The following AUP1 variants were observed in gnomAD, a reference collection of about 807,000 sequenced individuals.
AUP1 encodes lipid droplet-regulating VLDL assembly factor AUP1.
AUP1 carries 30 observed loss-of-function variants against 51.8 expected under a neutral mutation model. That is an observed-to-expected ratio of 0.58 (90% CI 0.43 to 0.79). The LOEUF is 0.79. Ranked by LOEUF, AUP1 falls within the 30% of genes least tolerant of loss-of-function variation. The pLI is 0.00. For synonymous variants in AUP1, 227 were observed against 209.0 expected (o/e 1.09, Z -0.74); for missense variants, 492 against 517.1 (o/e 0.95, Z 0.47).
At position 74,529,639 on chromosome 2, in the gene AUP1, T is replaced by G. The variant is rs1675423568; in HGVS notation, c.-10A>C. On this transcript the variant is annotated 5_prime_UTR_variant, in exon 1 of 12. Coordinates refer to ENST00000377526, the MANE Select transcript of AUP1 (RefSeq NM_181575.5). ...CTGAGGGAAGCTCCATAACTGCTGC[T>G]TCAGGAGCGCCCGGCCGTCGCCGCC... is the stretch of plus-strand genomic sequence containing the variant. 6.4e-7 allele frequency: 1 copy of G among 1,558,598 alleles called. No homozygotes were observed. Among genetic ancestry groups the G allele is most frequent in the Non-Finnish European group, 8.7e-7 (1 of 1,153,494 alleles).
Position 74,529,423 on chromosome 2 carries a change from G to C in AUP1, c.127C>G (p.Leu43Val). The change falls in exon 2 of 12, where the codon CTC becomes GTC. Residue 43 changes from leucine (L) to valine (V), a missense_variant. By Grantham distance (32) the Leu-to-Val change is conservative. Coordinates refer to ENST00000377526, the MANE Select transcript of AUP1 (RefSeq NM_181575.5). ...AGGAAGACGTGGATCCCGAGAAAGA[G>C]GCGCAGGACGAGGAGGCAGAACCCG... Reference protein sequence around the residue: ...PVGFCLLVLRLFLGIHVFLVS... With the variant: ...PVGFCLLVLRVFLGIHVFLVS... The C allele has an allele frequency of 6.3e-7, 1 of 1,586,864 alleles. No individual in the cohort carries two copies. The highest frequency in any genetic ancestry group is 1.1e-5 in the South Asian group (1 of 88,146).
At position 74,529,165 on chromosome 2, in the gene AUP1, GT is replaced by G. The variant is rs775457709; in HGVS notation, c.305del (p.His102ProfsTer3). The G allele has an allele frequency of 1.2e-6, 2 of 1,614,212 alleles. No individual in the cohort carries two copies. Among genetic ancestry groups the G allele is most frequent in the Admixed American group, 1.7e-5 (1 of 60,030 alleles). On this transcript the variant is annotated frameshift_variant, in exon 3 of 12. Transcript: ENST00000377526. LOFTEE classifies it high-confidence loss of function. ...LISNHVTPFD[H>X]NIVNLLTTCS... ...AGGTGGTAAGCAAATTGACTATGTT[GT>G]GGTCGAAAGGTGTCACATGGTTGGA...
rs1675296835 is a variant in AUP1 at position 74,528,285 on chromosome 2, A to G, written c.634T>C (p.Trp212Arg). The change falls in exon 6 of 12, where the codon TGG becomes CGG. Residue 212 changes from tryptophan to arginine, a missense_variant. By Grantham distance (101) the Trp-to-Arg change is moderately radical. Coordinates refer to ENST00000377526, the MANE Select transcript of AUP1 (RefSeq NM_181575.5). ...ACCGTGAAAGGGACGAAAAGTGACCACAGCAGTTCTGAGACCCAGGAGGCA... is the reference window on the plus strand; with the variant it reads ...ACCGTGAAAGGGACGAAAAGTGACCGCAGCAGTTCTGAGACCCAGGAGGCA... Reference protein sequence around the residue: ...SDASWVSELLWSLFVPFTVYQ... With the variant: ...SDASWVSELLRSLFVPFTVYQ... 10 of 1,614,194 alleles carry G rather than the reference A, an allele frequency of 6.2e-6. No homozygotes were observed. The highest frequency in any genetic ancestry group is 8.5e-6 in the Non-Finnish European group (10 of 1,180,040).
chr2:74,527,360 T>C lies in AUP1; in HGVS notation c.965A>G (p.Lys322Arg). 6.2e-7 allele frequency: 1 copy of C among 1,614,028 alleles called. No individual in the cohort carries two copies. The highest frequency in any genetic ancestry group is 1.7e-5 in the Admixed American group (1 of 60,014). The change falls in exon 10 of 12, where the codon AAG becomes AGG. Residue 322 changes from lysine to arginine, a missense_variant. Lys to Arg is a conservative substitution (Grantham distance 26). Coordinates refer to ENST00000377526, the MANE Select transcript of AUP1 (RefSeq NM_181575.5). ...PLGVIQRDLAKTGCVDLTITN... is the reference protein window; with the variant it reads ...PLGVIQRDLARTGCVDLTITN... The stretch of plus-strand genomic sequence containing the variant: ...GATAGTCAAGTCTACACAGCCAGTC[T>C]TGGCTGGGGAGAAAAGAGAAGGGAG...
intron 3 of AUP1, 42 bp from the exon 4 acceptor site, chr2:74,528,977 G>C: frequency 6.3e-7 from 1 of 1,587,200 alleles, no homozygotes; most frequent in Non-Finnish European, 8.5e-7. Flanking sequence ...AAAATATTGA[G>C]GAAAATGAAA....
rs1312685129 is a variant in AUP1, at chr2:74,527,608, A to G, written c.842-18T>C. On this transcript the variant is annotated intron_variant, in intron 8 of 11. Transcript: ENST00000377526. ...AGACTGGGCTGTGGAAAAAGGAAAAAAAGAAAAAAGAAATTCTGGTAAGTA... is the reference window on the plus strand; with the variant it reads ...AGACTGGGCTGTGGAAAAAGGAAAAGAAGAAAAAAGAAATTCTGGTAAGTA... The G allele has an allele frequency of 1.9e-6, 3 of 1,587,170 alleles. No homozygotes were observed. Among genetic ancestry groups the G allele is most frequent in the South Asian group, 2.3e-5 (2 of 85,794 alleles).
In AUP1 at chr2:74,527,567, G is replaced by C. The variant is rs770813807; in HGVS notation, c.865C>G (p.Pro289Ala). The stretch of plus-strand genomic sequence containing the variant: ...AGTTGCACATCAGGAGAAGGACCAG[G>C]GGAGGGAGGGAAAGAAGACTGGGCT... ...QSAQSSFPPS[P>A]GPSPDVQLAT... Residue 289 changes from proline to alanine, a missense_variant, in exon 9 of 12, where the codon CCT becomes GCT. Physicochemically the swap from Pro to Ala is conservative, Grantham distance 27 (BLOSUM62 -1). Transcript: ENST00000377526. 6.2e-7 allele frequency: 1 copy of C among 1,610,386 alleles called. No homozygotes were observed. The highest frequency in any genetic ancestry group is 8.5e-7 in the Non-Finnish European group (1 of 1,179,044).
chr2:74,526,980 A>G lies in AUP1; in HGVS notation c.1157T>C (p.Leu386Pro). The change falls in exon 11 of 12, where the codon CTG becomes CCG. Residue 386 changes from leucine to proline, a missense_variant. By Grantham distance (98) the Leu-to-Pro change is moderately conservative. Transcript: ENST00000377526. The stretch of plus-strand genomic sequence containing the variant: ...ATATAGTGCTTGCTTGCGCTCCTGC[A>G]GGCTCTCCTGCCGGGCCCAGGAAGA... ...AKSSWARQES[L>P]QERKQALYEY... 1 of 1,614,156 alleles carries G rather than the reference A, an allele frequency of 6.2e-7. No individual in the cohort carries two copies. Among genetic ancestry groups the G allele is most frequent in the Non-Finnish European group, 8.5e-7 (1 of 1,180,036 alleles).
chr2:74,527,190 A>C (rs565402906), intron 10 of AUP1, 58 bp downstream of exon 10: 2 of 1,599,808 alleles, frequency 1.3e-6, no homozygotes, highest in Non-Finnish European at 1.7e-6. Context: ...ATAAGGGAGT[A>C]CATAGCCTGC....
chr2:74,529,023 A>G lies in AUP1; in HGVS notation c.340-88T>C, dbSNP rs74973842. 1,742 of 1,604,110 alleles carry G rather than the reference A, an allele frequency of 1.1e-3. 37 individuals are homozygous for G. The East Asian group carries it at 0.032, about 29-fold the overall frequency. Reference sequence around the variant, plus strand: ...ACATGTTGGGTAGAGGATCGGGGTTAGGGGTAAGGCTCAGTATCCTCCATG... The same window carrying G: ...ACATGTTGGGTAGAGGATCGGGGTTGGGGGTAAGGCTCAGTATCCTCCATG... On this transcript the variant is annotated intron_variant, in intron 3 of 11. Coordinates refer to ENST00000377526, the MANE Select transcript of AUP1 (RefSeq NM_181575.5).
In AUP1 at chr2:74,528,749, A is replaced by T. The variant is rs1157227661; in HGVS notation, c.524+2T>A. On this transcript the variant is annotated splice_donor_variant, in intron 4 of 11. Coordinates refer to ENST00000377526, the MANE Select transcript of AUP1 (RefSeq NM_181575.5). LOFTEE classifies it high-confidence loss of function. Reference sequence around the variant, plus strand: ...GGCGCCCCATACCTGTGCTAAACCCACCTGAAGCGCAGGAGCCCCTCCCGG... The same window carrying T: ...GGCGCCCCATACCTGTGCTAAACCCTCCTGAAGCGCAGGAGCCCCTCCCGG... 2.5e-6 allele frequency: 4 copies of T among 1,592,264 alleles called. No individual in the cohort carries two copies.
At position 74,528,883 on chromosome 2, in the gene AUP1, T is replaced by C; in HGVS notation, c.392A>G (p.Glu131Gly). ...SFVCWSRGFM[E>G]MNGRGELVES... ...CACCAACTCCCCCCGCCCATTCATC[T>C]CCATGAAGCCCCGAGACCAGCACAC... Residue 131 changes from glutamate to glycine, a missense_variant, in exon 4 of 12, where the codon GAG becomes GGG. Coordinates refer to ENST00000377526, the MANE Select transcript of AUP1 (RefSeq NM_181575.5). 1 of 1,613,932 alleles carries C rather than the reference T, an allele frequency of 6.2e-7. No homozygotes were observed. The highest frequency in any genetic ancestry group is 8.5e-7 in the Non-Finnish European group (1 of 1,179,994).
In AUP1 at chr2:74,526,811, C is replaced by T. The variant is rs1345091927; in HGVS notation, c.1222G>A (p.Glu408Lys). Residue 408 changes from glutamate (E) to lysine (K), a missense_variant, in exon 12 of 12, where the codon GAG becomes AAG. By Grantham distance (56) the Glu-to-Lys change is moderately conservative (BLOSUM62 1). Transcript: ENST00000377526. ...CTGTTCCTTTGAGCTCAGTCAGCCT[C>T]CTGGGCTCGTCTCTCTGTGAATCTC... ...RRRFTERRAQ[E>K]AD 2 of 1,547,310 alleles carry T rather than the reference C, an allele frequency of 1.3e-6. No individual in the cohort carries two copies. Among genetic ancestry groups the T allele is most frequent in the East Asian group, 4.5e-5 (2 of 44,298 alleles).
In AUP1 at chr2:74,529,208, C is replaced by G. The variant is rs1250894151; in HGVS notation, c.263G>C (p.Ser88Thr). ...RQEDSGLRDH[S>T]VRVLISNHVT... ...ATGGTTGGAAATGAGGACCCTGACA[C>G]TGTGATCCCGGAGTCCGGAGTCCTC... is the stretch of plus-strand genomic sequence containing the variant. The change falls in exon 3 of 12, where the codon AGT (serine) becomes ACT (threonine). Residue 88 changes from serine (S) to threonine (T), a missense_variant. Ser to Thr is a moderately conservative substitution (Grantham distance 58). Coordinates refer to ENST00000377526, the MANE Select transcript of AUP1 (RefSeq NM_181575.5). 1.2e-6 allele frequency: 2 copies of G among 1,614,106 alleles called. No homozygotes were observed. Among genetic ancestry groups the G allele is most frequent in the Non-Finnish European group, 8.5e-7 (1 of 1,180,040 alleles).
At position 74,527,453 on chromosome 2, in the gene AUP1, G is replaced by A; in HGVS notation, c.961+18C>T. On this transcript the variant is annotated intron_variant, in intron 9 of 11. Coordinates refer to ENST00000377526, the MANE Select transcript of AUP1 (RefSeq NM_181575.5). ...TCCCTGTGCCCATCTCCCAGTGTGG[G>A]GCCACCCTTTCCCATACCCAGGTCT... 1 of 1,611,042 alleles carries A rather than the reference G, an allele frequency of 6.2e-7. No individual in the cohort carries two copies. Among genetic ancestry groups the A allele is most frequent in the South Asian group, 1.1e-5 (1 of 90,826 alleles).
At chr2:74,527,110 C>T (rs779113138) in intron 10 of AUP1, 51 bp from the exon 11 acceptor site, 95 of 1,613,436 alleles carry the variant, frequency 5.9e-5, no homozygotes, top group Middle Eastern at 4.9e-4. Context: ...TCATTAAACA[C>T]GCATCGAATG....
rs1412120583 is a variant in AUP1 at position 74,529,664 on chromosome 2, C to A, written c.-35G>T. 1 of 1,544,814 alleles carries A rather than the reference C, an allele frequency of 6.5e-7. No homozygotes were observed. Among genetic ancestry groups the A allele is most frequent in the Admixed American group, 2.0e-5 (1 of 51,192 alleles). ...TTCAGGAGCGCCCGGCCGTCGCCGC[C>A]GCCGCCATTTTCGCGCCCGGCCGCA... On this transcript the variant is annotated 5_prime_UTR_variant, in exon 1 of 12. Transcript: ENST00000377526.
Position 74,526,690 on chromosome 2 carries a change from G to T in AUP1, c.*110C>A. 7.9e-7 allele frequency: 1 copy of T among 1,272,422 alleles called. No homozygotes were observed. The highest frequency in any genetic ancestry group is 1.1e-6 in the Non-Finnish European group (1 of 921,974). 78.8% of individuals were successfully genotyped at this position (1,272,422 alleles called of 1,614,324 possible). A position where few individuals can be genotyped will look rare whatever the true frequency, so the allele number is the denominator to read the frequency against. The stretch of plus-strand genomic sequence containing the variant: ...ATGAATTTAATGTGACATTGGGGGA[G>T]CCTCATCCTTCCCTTTTTACCACCC... On this transcript the variant is annotated 3_prime_UTR_variant, in exon 12 of 12. Coordinates refer to ENST00000377526, the MANE Select transcript of AUP1 (RefSeq NM_181575.5).
chr2:74,527,514 T>C lies in AUP1; in HGVS notation c.918A>G (p.Glu306=), dbSNP rs750963280. The C allele has an allele frequency of 3.1e-6, 5 of 1,613,764 alleles. 1 individual carries two copies. The South Asian group carries it at 5.5e-5, about 18-fold the overall frequency. The part of the protein sequence containing the change: ...QLATLAQRVK[E]VLPHVPLGVI... ...CACCCAATGGCACATGGGGCAAAAC[T>C]TCCTTGACTCTCTGAGCCAGAGTTG... Residue 306 remains glutamate, a synonymous_variant, in exon 9 of 12, where the codon GAA becomes GAG. Transcript: ENST00000377526.
Sources: gnomAD v4.1 joint callset for allele counts on GRCh38, gnomAD v4.1.1 for gene constraint, MANE v1.5 for transcripts, NCBI Gene and HGNC (gene_info 2026-07-23, HGNC 2026-07-21) for gene names.